The following IP6K1 variants were observed in gnomAD, a reference collection of about 807,000 sequenced individuals.
IP6K1 encodes the protein ATP:1D-myo-inositol-hexakisphosphate phosphotransferase.
A neutral mutation model predicts 38.3 loss-of-function variants in IP6K1; 13 were observed. That is an observed-to-expected ratio of 0.34 (90% CI 0.22 to 0.54). The LOEUF is 0.54. Among genes scored for constraint, IP6K1 ranks in the 20% least tolerant of loss-of-function variants. The pLI, the probability that IP6K1 is intolerant of heterozygous loss-of-function variation, is 0.92. For missense variants in IP6K1, 397 were observed against 599.8 expected (o/e 0.66, Z 3.53); for synonymous variants, 212 against 229.9 (o/e 0.92, Z 0.70).
intron 1 of IP6K1, among the ~76,000 whole-genome samples, chr3:49,761,059 T>C (rs2080863622): frequency 6.6e-6 from 1 of 152,196 alleles, no homozygotes; most frequent in Non-Finnish European, 1.5e-5. Context: ...CTCACACCTG[T>C]AATCCCAGCA....
At chr3:49,729,549 G>C (rs1218530872) in intron 4 of IP6K1, among the ~76,000 whole-genome samples, 1 of 150,774 alleles carries the variant, frequency 6.6e-6, no homozygotes, top group African/African-American at 2.4e-5. Context: ...TGGGATTACA[G>C]GCATGTGCCA....
At chr3:49,775,784 G>A (rs894519889) in intron 1 of IP6K1, among the ~76,000 whole-genome samples, 4 of 151,978 alleles carry the variant, frequency 2.6e-5, no homozygotes, top group Non-Finnish European at 4.4e-5. Context: ...CATGTGGTAG[G>A]GATGGAAAAG....
Position 49,732,942 on chromosome 3 carries a change from C to T in IP6K1, c.465G>A (p.Glu155=). ...AAGGGACCTCTGAGTGGCTGTGCAGCTCCACCTTCGGACTCTTTGCCTCCT... is the reference window on the plus strand; with the variant it reads ...AAGGGACCTCTGAGTGGCTGTGCAGTTCCACCTTCGGACTCTTTGCCTCCT... ...SSQEAKSPKV[E]LHSHSEVPFQ... is the part of the protein sequence containing the mutation. The change falls in exon 4 of 6, where the codon GAG becomes GAA. Residue 155 remains glutamate (E), a synonymous_variant. Transcript: ENST00000321599. The T allele has an allele frequency of 6.2e-7, 1 of 1,613,864 alleles. No homozygotes were observed. The highest frequency in any genetic ancestry group is 8.5e-7 in the Non-Finnish European group (1 of 1,179,822).
chr3:49,759,619 C>T (rs2080851454), intron 1 of IP6K1, among the ~76,000 whole-genome samples: 1 of 150,972 alleles, frequency 6.6e-6, no homozygotes, highest in South Asian at 2.2e-4. Flanking sequence ...ACATAATGAC[C>T]ATCTATTTGA....
chr3:49,757,906 A>C (rs1248316093), intron 1 of IP6K1, among the ~76,000 whole-genome samples: 1 of 152,152 alleles, frequency 6.6e-6, no homozygotes, highest in East Asian at 1.9e-4. Flanking sequence ...AAAAAGGGAA[A>C]ACATGGCAAT....
intron 3 of IP6K1, among the ~76,000 whole-genome samples, chr3:49,737,071 CTTTTTTTTTTTT>C (rs527723899): frequency 2.7e-5 from 3 of 113,034 alleles, no homozygotes; most frequent in Admixed American, 2.0e-4. Context: ...CAAGCCTGGC[CTTTTTTTTTTTT>C]TTTTTTTTTT....
At chr3:49,772,126 C>CT (rs2080964959) in intron 1 of IP6K1, among the ~76,000 whole-genome samples, 1 of 151,380 alleles carries the variant, frequency 6.6e-6, no homozygotes, top group Non-Finnish European at 1.5e-5. Context: ...GGGAAGATCC[C>CT]TTGAGCCCAA....
chr3:49,726,761 C>T lies in IP6K1; in HGVS notation c.*361G>A, dbSNP rs1242688863. 5.7e-6 allele frequency: 2 copies of T among 349,432 alleles called. No individual in the cohort carries two copies. The highest frequency in any genetic ancestry group is 4.4e-5 in the East Asian group (1 of 22,526). The allele number at this position is 349,432 out of a possible 1,614,324, so 21.6% of individuals were successfully genotyped here. On this transcript the variant is annotated 3_prime_UTR_variant, in exon 6 of 6. Coordinates refer to ENST00000321599, the MANE Select transcript of IP6K1 (RefSeq NM_153273.4). ...GCCCTGCACCAGCCCAGGGCTTTAC[C>T]TTACAATCAGCAGGGCCCTGCAGCC...
rs1038886147 is a variant in IP6K1 at position 49,726,163 on chromosome 3, C to T, written c.*959G>A. ...TAAAGTTCTCCCTCCAGGCCCAGGG[C>T]CAAGAGCGCCTCACAAAGGGCTGCT... On this transcript the variant is annotated 3_prime_UTR_variant, in exon 6 of 6. Coordinates refer to ENST00000321599, the MANE Select transcript of IP6K1 (RefSeq NM_153273.4). The T allele has an allele frequency of 1.3e-5, 2 of 152,696 alleles. No homozygotes were observed. The highest frequency in any genetic ancestry group is 4.8e-5 in the African/African-American group (2 of 41,474). 9.5% of individuals were successfully genotyped at this position (152,696 alleles called of 1,614,324 possible).
At chr3:49,766,260 G>A (rs2080910606) in intron 1 of IP6K1, among the ~76,000 whole-genome samples, 1 of 152,124 alleles carries the variant, frequency 6.6e-6, no homozygotes, top group South Asian at 2.1e-4. Flanking sequence ...AGCATCTCGG[G>A]AGTCTGGCTG....
intron 1 of IP6K1, among the ~76,000 whole-genome samples, chr3:49,785,097 A>G (rs1165261740): frequency 6.6e-6 from 1 of 152,214 alleles, no homozygotes; most frequent in African/African-American, 2.4e-5. Flanking sequence ...TGTGTTTTGG[A>G]GCAATGAGAA....
At chr3:49,747,773 A>G (rs909516177) in intron 2 of IP6K1, 45 bp downstream of exon 2, 18 of 1,611,478 alleles carry the variant, frequency 1.1e-5, no homozygotes, top group Non-Finnish European at 1.5e-5. Context: ...CAAGGGGTCT[A>G]TAAGCCCAAG....
Position 49,732,819 on chromosome 3 carries a change from G to C in IP6K1, c.588C>G (p.Arg196=), listed in dbSNP as rs2080575018. The part of the protein sequence containing the change: ...RCHKQQLSRM[R]SESKDRKLYK... Reference sequence around the variant, plus strand: ...AGAGCTTTCGGTCCTTGGACTCGGAGCGCATGCGGCTCAGCTGCTGCTTGT... The same window carrying C: ...AGAGCTTTCGGTCCTTGGACTCGGACCGCATGCGGCTCAGCTGCTGCTTGT... Residue 196 remains arginine (R), a synonymous_variant, in exon 4 of 6, where the codon CGC becomes CGG. Transcript: ENST00000321599. The C allele has an allele frequency of 1.9e-6, 3 of 1,613,794 alleles. No homozygotes were observed. Among genetic ancestry groups the C allele is most frequent in the African/African-American group, 2.7e-5 (2 of 74,936 alleles).
chr3:49,738,568 C>G, intron 2 of IP6K1, 146 bp from the exon 3 acceptor site: 2 of 652,750 alleles, frequency 3.1e-6, no homozygotes, highest in Admixed American at 2.3e-5. Context: ...CAACAGCCAG[C>G]AGACAGTAAC....
In IP6K1 at chr3:49,738,220, G is replaced by A. The variant is rs2080631893; in HGVS notation, c.426C>T (p.Thr142=). ...AAACATGTACCTCTTACCTCTCAGAGGTCTCAAGGGACAGGCTGGCTTTCT... is the reference window on the plus strand; with the variant it reads ...AAACATGTACCTCTTACCTCTCAGAAGTCTCAAGGGACAGGCTGGCTTTCT... ...KEEKASLSLE[T]SESSQEAKSP... Residue 142 remains threonine (T), a synonymous_variant, in exon 3 of 6, where the codon ACC becomes ACT. Coordinates refer to ENST00000321599, the MANE Select transcript of IP6K1 (RefSeq NM_153273.4). 6.2e-7 allele frequency: 1 copy of A among 1,613,612 alleles called. No homozygotes were observed. Among genetic ancestry groups the A allele is most frequent in the Non-Finnish European group, 8.5e-7 (1 of 1,179,504 alleles).
At chr3:49,754,589 C>CGT (rs1559709487) in intron 1 of IP6K1, among the ~76,000 whole-genome samples, 2 of 151,376 alleles carry the variant, frequency 1.3e-5, no homozygotes, top group East Asian at 3.8e-4. Flanking sequence ...TAGGAGAAAT[C>CGT]ATATGAGTTT....
chr3:49,784,243 C>T (rs1466711221), intron 1 of IP6K1, among the ~76,000 whole-genome samples: 4 of 151,900 alleles, frequency 2.6e-5, no homozygotes, highest in Non-Finnish European at 2.9e-5. Flanking sequence ...GTGATCCGCC[C>T]GCCTCAGCCT....
Position 49,747,981 on chromosome 3 carries a change from T to A in IP6K1, c.60A>T (p.Gly20=). 6.2e-7 allele frequency: 1 copy of A among 1,614,080 alleles called. No homozygotes were observed. ...AGGGCTCCAGGAGGACTCCCCGGTC[T>A]CCAGCCCGACTTGCATTCTTGCCAT... ...GQYGKNASRA[G]DRGVLLEPFI... The change falls in exon 2 of 6, where the codon GGA becomes GGT. Residue 20 remains glycine (G), a synonymous_variant. Coordinates refer to ENST00000321599, the MANE Select transcript of IP6K1 (RefSeq NM_153273.4).
intron 2 of IP6K1, among the ~76,000 whole-genome samples, chr3:49,743,561 C>G (rs1432972664): frequency 6.6e-6 from 1 of 150,854 alleles, no homozygotes; most frequent in Non-Finnish European, 1.5e-5. Context: ...TGCCTATAGT[C>G]CCAGCTACTC....
Sources: gnomAD v4.1 joint callset for allele counts (sites outside exome capture counted in the v4.1 genomes callset) on GRCh38, gnomAD v4.1.1 for gene constraint, MANE v1.5 for transcripts, NCBI Gene and HGNC (gene_info 2026-07-23, HGNC 2026-07-21) for gene names.